Variants in SORCS1 observed in about 807,000 individuals in gnomAD.
The protein encoded by SORCS1 is VPS10 domain-containing receptor SorCS1.
Under a neutral mutation model 146.1 loss-of-function variants are expected in SORCS1, and 60 were observed. The observed-to-expected ratio is 0.41, with a 90% CI of 0.33 to 0.51. The LOEUF (loss-of-function observed/expected upper bound fraction) is 0.51. Ranked by LOEUF, SORCS1 falls within the 20% of genes least tolerant of loss-of-function variation. The probability of loss-of-function intolerance (pLI) is 0.21; values close to 1 mark genes in which losing one functional copy is unlikely to be tolerated. For missense variants in SORCS1, 1,352 were observed against 1,487.6 expected, an observed-to-expected ratio of 0.91 and a Z score of 1.50; for synonymous variants, 637 against 584.0, an observed-to-expected ratio of 1.09 and a Z score of -1.31.
intron 10 of SORCS1, among the ~76,000 whole-genome samples, chr10:106,687,543 T>C (rs973769882): frequency 3.3e-5 from 5 of 152,236 alleles, no homozygotes; most frequent in African/African-American, 1.2e-4. Context: ...AAAGCAGCCG[T>C]CAACAATACA....
intron 24 of SORCS1, among the ~76,000 whole-genome samples, chr10:106,593,924 G>A (rs1845758514): frequency 1.3e-5 from 2 of 152,110 alleles, no homozygotes; most frequent in South Asian, 4.1e-4. Context: ...TCCTGCTTCC[G>A]AAACTCCTAG....
At chr10:106,730,621 TG>T (rs1308168089) in intron 5 of SORCS1, among the ~76,000 whole-genome samples, 16 of 152,194 alleles carry the variant, frequency 1.1e-4, no homozygotes, top group Non-Finnish European at 1.6e-4. Context: ...TTCTCTGTAT[TG>T]TCGAACCCGT....
chr10:106,801,767 T>G (rs1367220840), intron 3 of SORCS1, among the ~76,000 whole-genome samples: 1 of 152,168 alleles, frequency 6.6e-6, no homozygotes, highest in Non-Finnish European at 1.5e-5. Flanking sequence ...CCTGACCTTG[T>G]GATCTGCCCT....
In SORCS1 at chr10:106,709,327, T is replaced by C. The variant is rs1375606057; in HGVS notation, c.1039A>G (p.Thr347Ala). The part of the protein sequence containing the change: ...RTVDGHSHYL[T>A]CRMQNCTEAN... ...TCTGTACAGTTCTGCATTCGGCAAG[T>C]TAGATAATGTGAATCTGAAAAACAA... Residue 347 changes from threonine to alanine, a missense_variant, in exon 7 of 26, where the codon ACT becomes GCT. Physicochemically the swap from Thr to Ala is moderately conservative, Grantham distance 58 (BLOSUM62 0). This residue lies in a region of SORCS1 where 490 missense variants were observed against 489.1 expected (regional missense o/e 1.00). Coordinates refer to ENST00000263054, the MANE Select transcript of SORCS1 (RefSeq NM_052918.5). 1 of 1,613,004 alleles carries C rather than the reference T, an allele frequency of 6.2e-7. No individual in the cohort carries two copies. Among genetic ancestry groups the C allele is most frequent in the Admixed American group, 1.7e-5 (1 of 59,942 alleles).
intron 2 of SORCS1, among the ~76,000 whole-genome samples, chr10:106,869,851 G>T (rs1312670784): frequency 6.6e-6 from 1 of 152,066 alleles, no homozygotes; most frequent in Non-Finnish European, 1.5e-5. Flanking sequence ...GAGAAATCAG[G>T]CAAGGGAAAG....
chr10:106,840,625 C>G (rs1006118836), intron 2 of SORCS1, among the ~76,000 whole-genome samples: 1 of 151,902 alleles, frequency 6.6e-6, no homozygotes, highest in Non-Finnish European at 1.5e-5. Context: ...GAAGCCCTAC[C>G]ATGTGTAAAA....
rs545880278 is a variant in SORCS1 at position 106,653,418 on chromosome 10, C to G, written c.2304-865G>C. On this transcript the variant is annotated intron_variant, in intron 17 of 25. Coordinates refer to ENST00000263054, the MANE Select transcript of SORCS1 (RefSeq NM_052918.5). ...TGGTAGAGCCCAAATAAGATGCAAT[C>G]AAAGCTTACTTTCCACTCTTCTAGA... 9.2e-5 allele frequency among the ~76,000 whole-genome samples: 14 copies of G among 152,282 alleles called. No individual in the cohort carries two copies. In the South Asian group the frequency reaches 2.9e-3, roughly 32 times the overall value.
chr10:106,812,665 G>T (rs1195677231), intron 3 of SORCS1, among the ~76,000 whole-genome samples: 2 of 152,120 alleles, frequency 1.3e-5, no homozygotes, highest in African/African-American at 4.8e-5. Context: ...GGATCCATGT[G>T]TTCAGTGTTT....
intron 1 of SORCS1, among the ~76,000 whole-genome samples, chr10:106,963,097 T>C (rs1484063241): frequency 7.0e-6 from 1 of 142,236 alleles, no homozygotes; most frequent in East Asian, 2.1e-4. Flanking sequence ...GAGAGCAGTG[T>C]TCAATGGCCA....
intron 1 of SORCS1, among the ~76,000 whole-genome samples, chr10:107,109,077 G>A (rs890185398): frequency 2.6e-5 from 4 of 152,200 alleles, no homozygotes; most frequent in African/African-American, 9.6e-5. Context: ...GGTTCAGCCT[G>A]AGGCTGCTCT....
intron 1 of SORCS1, among the ~76,000 whole-genome samples, chr10:107,152,899 C>T (rs1968941612): frequency 6.6e-6 from 1 of 151,904 alleles, no homozygotes; most frequent in African/African-American, 2.4e-5. Context: ...CATCACAGCT[C>T]TGTCTTTGTC....
At chr10:106,963,208 C>A (rs1031817136) in intron 1 of SORCS1, among the ~76,000 whole-genome samples, 1 of 145,900 alleles carries the variant, frequency 6.9e-6, no homozygotes, top group Non-Finnish European at 1.5e-5. Context: ...CTCCGCCTCC[C>A]GGGTTCACGC....
At chr10:106,700,984 G>A (rs1854098026) in intron 8 of SORCS1, among the ~76,000 whole-genome samples, 1 of 152,088 alleles carries the variant, frequency 6.6e-6, no homozygotes, top group African/African-American at 2.4e-5. Context: ...ATCTGCAGGG[G>A]GATTGGTTCC....
At chr10:106,913,902 C>T (rs892611961) in intron 2 of SORCS1, among the ~76,000 whole-genome samples, 1 of 152,138 alleles carries the variant, frequency 6.6e-6, no homozygotes, top group African/African-American at 2.4e-5. Context: ...ATAAGAGCCA[C>T]CTGCCACTCA....
In SORCS1 at chr10:106,700,772, G is replaced by A. The variant is rs575468920; in HGVS notation, c.1234-1379C>T. ...TCACAGTAAACTCGTGATCCCAGAG[G>A]GAGAAGTCCATATCCAAAGGGCTTT... On this transcript the variant is annotated intron_variant, in intron 8 of 25. Coordinates refer to ENST00000263054, the MANE Select transcript of SORCS1 (RefSeq NM_052918.5). Among the ~76,000 whole-genome samples the A allele has an allele frequency of 1.0e-3, 159 of 152,246 alleles. 3 individuals carry two copies. Among genetic ancestry groups the A allele is most frequent in the Admixed American group, 4.6e-4 (7 of 15,280 alleles).
intron 1 of SORCS1, among the ~76,000 whole-genome samples, chr10:107,100,279 C>T (rs1232128238): frequency 6.6e-6 from 1 of 152,040 alleles, no homozygotes; most frequent in African/African-American, 2.4e-5. Flanking sequence ...TTTGGGAGGT[C>T]GAGGTGGGTG....
intron 1 of SORCS1, among the ~76,000 whole-genome samples, chr10:107,098,256 C>T (rs891792298): frequency 6.6e-6 from 1 of 152,088 alleles, no homozygotes; most frequent in Non-Finnish European, 1.5e-5. Flanking sequence ...TTTATCTTTC[C>T]TCCCAAGTGA....
chr10:106,732,259 T>C (rs1198893597), intron 5 of SORCS1, among the ~76,000 whole-genome samples: 4 of 152,220 alleles, frequency 2.6e-5, no homozygotes, highest in African/African-American at 9.6e-5. Flanking sequence ...CATATAGACA[T>C]GGGACATGCA....
At chr10:106,844,752 C>A (rs1463359141) in intron 2 of SORCS1, among the ~76,000 whole-genome samples, 1 of 118,772 alleles carries the variant, frequency 8.4e-6, no homozygotes, top group Non-Finnish European at 1.7e-5. Context: ...CCACCACAGT[C>A]CCCAGAGTGT....
Sources: gnomAD v4.1 joint callset for allele counts (sites outside exome capture counted in the v4.1 genomes callset) on GRCh38, gnomAD v4.1.1 for gene constraint, gnomAD v4.1.1 regional missense constraint, MANE v1.5 for transcripts, NCBI Gene and HGNC (gene_info 2026-07-23, HGNC 2026-07-21) for gene names.